Variants in AVEN observed in about 807,000 individuals in gnomAD.
AVEN encodes apoptosis and caspase activation inhibitor, also known as cell death regulator Aven.
Under a neutral mutation model 38.1 loss-of-function variants are expected in AVEN, and 41 were observed. The observed-to-expected ratio is 1.08, with a 90% CI of 0.84 to 1.40. The LOEUF (loss-of-function observed/expected upper bound fraction) is 1.40, where lower values mean the gene tolerates loss of function less well. AVEN is among the 40% of genes most tolerant of loss of function. The pLI is 0.00. For synonymous variants in AVEN, 206 were observed against 171.8 expected (o/e 1.20, Z -1.56); for missense variants, 605 against 438.8 (o/e 1.38, Z -3.38).
chr15:34,067,771 A>G (rs539340212), intron 2 of AVEN, among the ~76,000 whole-genome samples: 1 of 152,274 alleles, frequency 6.6e-6, no homozygotes, highest in African/African-American at 2.4e-5. Context: ...GAGACTGCAC[A>G]AAAAGGGGCA....
chr15:34,068,132 G>A (rs1900555128), intron 2 of AVEN, among the ~76,000 whole-genome samples: 1 of 152,084 alleles, frequency 6.6e-6, no homozygotes, highest in African/African-American at 2.4e-5. Context: ...GTGTGTGTGT[G>A]TGTGTGTGCA....
downstream of AVEN, among the ~76,000 whole-genome samples, chr15:33,862,182 C>A (rs993412746): frequency 1.3e-5 from 2 of 151,252 alleles, no homozygotes; most frequent in African/African-American, 2.4e-5. Flanking sequence ...CTAGCTCTTC[C>A]CCCTTCTCTC....
chr15:33,867,160 G>C (rs1270197332), intron 5 of AVEN, among the ~76,000 whole-genome samples: 1 of 152,188 alleles, frequency 6.6e-6, no homozygotes, highest in Non-Finnish European at 1.5e-5. Context: ...TGAAGAGGTG[G>C]CCTGTCAGTC....
rs911963365 is a variant in AVEN, at chr15:34,037,552, T to TTA, written c.267+1226_267+1227dup. Among the ~76,000 whole-genome samples, 7 of 148,792 alleles carry TTA rather than the reference T, an allele frequency of 4.7e-5. No individual in the cohort carries two copies. In the South Asian group the frequency reaches 6.3e-4, roughly 13 times the overall value. ...TACATAATTCTACATTACATATATA[T>TTA]TATATATATATAATAGAGTTATAAG... On this transcript the variant is annotated intron_variant, in intron 1 of 5. Transcript: ENST00000306730.
At chr15:33,991,925 G>A (rs1298727863) in intron 2 of AVEN, 1 of 153,258 alleles carries the variant, frequency 6.5e-6, no homozygotes, top group Admixed American at 6.5e-5. Context: ...ATCTGCTAAA[G>A]GAAATGCACA....
chr15:34,042,783 C>T (rs971126255), upstream of AVEN, among the ~76,000 whole-genome samples: 2 of 152,098 alleles, frequency 1.3e-5, no homozygotes, highest in African/African-American at 4.8e-5. Context: ...AAAATAGCAT[C>T]ACCTGGGAAC....
chr15:33,951,608 C>T (rs1894754668), intron 2 of AVEN, among the ~76,000 whole-genome samples: 1 of 151,078 alleles, frequency 6.6e-6, no homozygotes, highest in African/African-American at 2.4e-5. Context: ...AAAAAAATTC[C>T]TTCTTTCATT....
chr15:33,854,327 T>G (rs2079418377), downstream of AVEN: 1 of 1,393,518 alleles, frequency 7.2e-7, no homozygotes, highest in East Asian at 2.5e-5. Flanking sequence ...TTTTTCCCCC[T>G]TATTGAGCAC....
intron 4 of AVEN, chr15:34,064,201 A>G (rs1186621097): frequency 1.2e-6 from 2 of 1,614,156 alleles, no homozygotes; most frequent in Middle Eastern, 1.6e-4. Flanking sequence ...CCCATCTGCT[A>G]TGCCCTCTGC....
chr15:34,032,417 T>A (rs992745612), intron 1 of AVEN, among the ~76,000 whole-genome samples: 39 of 152,182 alleles, frequency 2.6e-4, no homozygotes, highest in African/African-American at 8.2e-4. Context: ...TATCGATTTA[T>A]GAGCGAGCTA....
rs34781502 is a variant in AVEN, at chr15:33,918,924, G to GTTT, written c.446-42932_446-42930dup. Among the ~76,000 whole-genome samples the GTTT allele has an allele frequency of 6.0e-3, 841 of 139,912 alleles. 11 individuals carry two copies. The highest frequency in any genetic ancestry group is 0.015 in the Middle Eastern group (4 of 272). The allele number at this position is 139,912 out of a possible 152,430, so 91.8% of individuals were successfully genotyped here. On this transcript the variant is annotated intron_variant, in intron 2 of 5. Transcript: ENST00000306730. ...AAATAGCCCATGCCTCTGCTTTTCT[G>GTTT]TTTTTTTTTTTTTTGAAATGGAGTC...
intron 2 of AVEN, among the ~76,000 whole-genome samples, chr15:33,907,581 T>C (rs1892753070): frequency 6.6e-6 from 1 of 152,208 alleles, no homozygotes; most frequent in African/African-American, 2.4e-5. Flanking sequence ...ATTCATAATG[T>C]ATCACAGCCT....
chr15:34,038,315 CACAG>C (rs1899251172), intron 1 of AVEN, among the ~76,000 whole-genome samples: 2 of 152,236 alleles, frequency 1.3e-5, no homozygotes, highest in African/African-American at 2.4e-5. Context: ...CTAGGCATTG[CACAG>C]ACAGTTAACA....
At chr15:33,861,377 C>G (rs1888141944), downstream of AVEN, among the ~76,000 whole-genome samples, 2 of 152,000 alleles carry the variant, frequency 1.3e-5, no homozygotes, top group South Asian at 4.2e-4. Context: ...CCGCTCCTAG[C>G]AAAAGGCCAG....
intron 4 of AVEN, among the ~76,000 whole-genome samples, 153 bp downstream of exon 4, chr15:33,870,782 C>T (rs75639095): frequency 6.6e-6 from 1 of 152,120 alleles, no homozygotes; most frequent in African/African-American, 2.4e-5. Context: ...TTTTTGGATT[C>T]TCCTTTAAAC....
intron 1 of AVEN, among the ~76,000 whole-genome samples, chr15:34,031,321 C>T (rs61153924): frequency 0.11 from 16,084 of 151,610 alleles, 1,056 homozygotes; most frequent in East Asian, 0.33. Context: ...ATTACAGGCG[C>T]ATGCCACCAT....
rs549283427 is a variant in AVEN at position 34,011,410 on chromosome 15, T to A, written c.268-8201A>T. Among the ~76,000 whole-genome samples the A allele has an allele frequency of 1.7e-4, 26 of 152,180 alleles. No homozygotes were observed. In the South Asian group the frequency reaches 4.4e-3, roughly 26 times the overall value. ...ATATGCATGATCATATTTGAAAAAA[T>A]TAATAAATGCAGTATATGGCATATA... is the stretch of plus-strand genomic sequence containing the variant. On this transcript the variant is annotated intron_variant, in intron 1 of 5. Coordinates refer to ENST00000306730, the MANE Select transcript of AVEN (RefSeq NM_020371.3).
chr15:33,886,852 TC>T (rs1891722580), intron 2 of AVEN, among the ~76,000 whole-genome samples: 2 of 152,230 alleles, frequency 1.3e-5, no homozygotes, highest in East Asian at 3.9e-4. Flanking sequence ...TGGCCCAGGC[TC>T]CCCCTATTGC....
chr15:34,023,005 G>A lies in AVEN; in HGVS notation c.267+15775C>T, dbSNP rs566129152. ...GTTCAAGACTAGCTTGGCCAACATG[G>A]TGAAACCCCCATCTCTACTAAAAAC... On this transcript the variant is annotated intron_variant, in intron 1 of 5. Coordinates refer to ENST00000306730, the MANE Select transcript of AVEN (RefSeq NM_020371.3). 3.8e-4 allele frequency among the ~76,000 whole-genome samples: 58 copies of A among 152,318 alleles called. 1 individual carries two copies. In the South Asian group the frequency reaches 0.011, roughly 30 times the overall value.
Sources: allele counts gnomAD v4.1 joint callset (sites outside exome capture counted in the v4.1 genomes callset), GRCh38; gene constraint gnomAD v4.1.1; transcripts MANE v1.5; gene names NCBI Gene and HGNC (gene_info 2026-07-23, HGNC 2026-07-21).